The following KCNH7 variants were observed in gnomAD, a reference collection of about 807,000 sequenced individuals.
The protein encoded by KCNH7 is potassium voltage-gated channel subfamily H member 7.
A neutral mutation model predicts 120.8 loss-of-function variants in KCNH7; 49 were observed. The ratio of observed to expected loss-of-function variants is 0.41; its 90% CI spans 0.32 to 0.51. The LOEUF (loss-of-function observed/expected upper bound fraction) is 0.51, where lower values mean the gene tolerates loss of function less well. Among genes scored for constraint, KCNH7 ranks in the 20% least tolerant of loss-of-function variants. KCNH7 has a pLI of 0.38. For synonymous variants in KCNH7, 547 were observed against 516.1 expected, an observed-to-expected ratio of 1.06 and a Z score of -0.81; for missense variants, 1,097 against 1,446.6, an observed-to-expected ratio of 0.76 and a Z score of 3.92.
intron 2 of KCNH7, among the ~76,000 whole-genome samples, chr2:162,546,997 G>A (rs1397946919): frequency 6.6e-6 from 1 of 152,072 alleles, no homozygotes; most frequent in African/African-American, 2.4e-5. Flanking sequence ...TCTGAGACTG[G>A]GTAATTCATA....
intron 2 of KCNH7, among the ~76,000 whole-genome samples, chr2:162,670,485 A>G (rs1031580058): frequency 7.3e-5 from 11 of 150,896 alleles, no homozygotes; most frequent in Non-Finnish European, 1.2e-4. Context: ...AAAAAAAAAA[A>G]AAAAAAAGAA....
chr2:162,580,343 T>C (rs1301818918), intron 2 of KCNH7, among the ~76,000 whole-genome samples: 2 of 152,086 alleles, frequency 1.3e-5, no homozygotes, highest in African/African-American at 2.4e-5. Flanking sequence ...GGAAGATATA[T>C]TTTATGATTC....
chr2:162,479,893 C>T (rs1689872013), intron 6 of KCNH7, among the ~76,000 whole-genome samples: 1 of 152,046 alleles, frequency 6.6e-6, no homozygotes, highest in Admixed American at 6.6e-5. Context: ...CAGGCTGAAC[C>T]TCAAAATAAG....
intron 12 of KCNH7, among the ~76,000 whole-genome samples, chr2:162,388,212 G>T (rs369040736): frequency 4.0e-5 from 6 of 151,744 alleles, no homozygotes; most frequent in African/African-American, 1.2e-4. Context: ...ATAAAGAAAA[G>T]ATGGATATTG....
intron 2 of KCNH7, among the ~76,000 whole-genome samples, chr2:162,593,805 C>T (rs1694290658): frequency 6.6e-6 from 1 of 151,918 alleles, no homozygotes; most frequent in Admixed American, 6.6e-5. Context: ...ATCCCTAATC[C>T]ATACTGCTGA....
chr2:162,837,553 G>A (rs1006007363), intron 1 of KCNH7, among the ~76,000 whole-genome samples: 2 of 152,096 alleles, frequency 1.3e-5, no homozygotes, highest in South Asian at 4.1e-4. Context: ...TAGTTTGTAC[G>A]CAAGGTACCA....
chr2:162,466,375 A>C (rs1200146757), intron 6 of KCNH7, among the ~76,000 whole-genome samples: 1 of 152,190 alleles, frequency 6.6e-6, no homozygotes, highest in African/African-American at 2.4e-5. Flanking sequence ...ACAATCAAGT[A>C]GTAAGGGGAA....
At chr2:162,515,593 A>G (rs1691256795) in intron 4 of KCNH7, among the ~76,000 whole-genome samples, 1 of 151,772 alleles carries the variant, frequency 6.6e-6, no homozygotes, top group Non-Finnish European at 1.5e-5. Flanking sequence ...TACACTAACT[A>G]AACTCACTAA....
chr2:162,418,102 A>G (rs1436126117), intron 9 of KCNH7, among the ~76,000 whole-genome samples: 1 of 152,160 alleles, frequency 6.6e-6, no homozygotes, highest in Non-Finnish European at 1.5e-5. Flanking sequence ...GGCAATTCCT[A>G]TCAACTAATC....
rs1327444875 is a variant in KCNH7 at position 162,504,567 on chromosome 2, A to C, written c.1004T>G (p.Leu335Arg). ...KYSTINKIPQ[L>R]TLNFSEVKTE... is the part of the protein sequence containing the mutation. ...TTTGACCTCTGAAAAATTCAGAGTG[A>C]GCTGTGGAATCTTGTTAATGGTGCT... is the stretch of plus-strand genomic sequence containing the variant. Residue 335 changes from leucine (L) to arginine (R), a missense_variant, in exon 6 of 16, where the codon CTC becomes CGC. Around this residue, in one of 8 missense-constraint regions of KCNH7, gnomAD observed 362 missense variants for 372.2 expected, o/e 0.97. Transcript: ENST00000332142. 1 of 1,612,524 alleles carries C rather than the reference A, an allele frequency of 6.2e-7. No homozygotes were observed. The highest frequency in any genetic ancestry group is 2.2e-5 in the East Asian group (1 of 44,808).
At chr2:162,504,103 T>C (rs1456276289) in intron 6 of KCNH7, among the ~76,000 whole-genome samples, 1 of 151,908 alleles carries the variant, frequency 6.6e-6, no homozygotes, top group Non-Finnish European at 1.5e-5. Flanking sequence ...AATAGACACA[T>C]CCATTATATT....
At chr2:162,619,717 G>T (rs888262501) in intron 2 of KCNH7, among the ~76,000 whole-genome samples, 5 of 151,982 alleles carry the variant, frequency 3.3e-5, no homozygotes, top group Non-Finnish European at 7.4e-5. Context: ...ATACCTTGTT[G>T]ACAATTGCAA....
At chr2:162,777,379 A>T (rs1004380707) in intron 2 of KCNH7, among the ~76,000 whole-genome samples, 5 of 136,776 alleles carry the variant, frequency 3.7e-5, no homozygotes, top group African/African-American at 1.2e-4. Flanking sequence ...GGGAATGATG[A>T]CAAGAGCAAA....
chr2:162,436,077 C>A (rs1573956043), intron 7 of KCNH7, among the ~76,000 whole-genome samples: 1 of 146,294 alleles, frequency 6.8e-6, no homozygotes, highest in East Asian at 2.3e-4. Context: ...TTTTTAAAAA[C>A]AAACAAATAA....
chr2:162,801,391 TA>T (rs1201078021), intron 2 of KCNH7, among the ~76,000 whole-genome samples: 2 of 151,732 alleles, frequency 1.3e-5, no homozygotes, highest in African/African-American at 2.4e-5. Flanking sequence ...AAAGTTGGAA[TA>T]AAAAAATTAG....
chr2:162,732,265 G>A (rs16847211), intron 2 of KCNH7, among the ~76,000 whole-genome samples: 5,827 of 152,186 alleles, frequency 0.038, 357 homozygotes, highest in African/African-American at 0.13. Context: ...GACTCATGAC[G>A]TGACAGCCTC....
chr2:162,423,130 T>C (rs2105490051), intron 9 of KCNH7: 1 of 1,023,414 alleles, frequency 9.8e-7, no homozygotes, highest in African/African-American at 1.6e-5. Flanking sequence ...CATGTTATAA[T>C]GCCTTTGCCA....
chr2:162,380,756 A>G (rs1342493694), intron 13 of KCNH7, among the ~76,000 whole-genome samples: 1 of 152,134 alleles, frequency 6.6e-6, no homozygotes, highest in East Asian at 1.9e-4. Context: ...ACTATTTAAA[A>G]TGTTCTCAGT....
chr2:162,652,274 C>G (rs916192128), intron 2 of KCNH7, among the ~76,000 whole-genome samples: 2 of 152,124 alleles, frequency 1.3e-5, no homozygotes. Flanking sequence ...CTTTAACTTA[C>G]CTTCCTGAAA....
Sources: gnomAD v4.1 joint callset for allele counts (sites outside exome capture counted in the v4.1 genomes callset) on GRCh38, gnomAD v4.1.1 for gene constraint, gnomAD v4.1.1 regional missense constraint, MANE v1.5 for transcripts, NCBI Gene and HGNC (gene_info 2026-07-23, HGNC 2026-07-21) for gene names.